The following ASAP2 variants were observed in gnomAD, a reference collection of about 807,000 sequenced individuals.
ASAP2 encodes the protein ArfGAP with SH3 domain, ankyrin repeat and PH domain 2, also known as arf-GAP with SH3 domain, ANK repeat and PH domain-containing protein 2.
In ASAP2, 45 loss-of-function variants were observed where a neutral mutation model predicts 131.4. The observed-to-expected ratio is 0.34, with a 90% confidence interval of 0.27 to 0.44. The LOEUF is 0.44. Among genes scored for constraint, ASAP2 ranks in the 20% least tolerant of loss-of-function variants. The pLI is 1.00. For synonymous variants in ASAP2, 510 were observed against 503.0 expected, an observed-to-expected ratio of 1.01 and a Z score of -0.19; for missense variants, 1,011 against 1,297.0, an observed-to-expected ratio of 0.78 and a Z score of 3.39.
At chr2:9,349,211 A>C (rs909912598) in intron 11 of ASAP2, among the ~76,000 whole-genome samples, 5 of 152,230 alleles carry the variant, frequency 3.3e-5, no homozygotes, top group Non-Finnish European at 7.3e-5. Context: ...TTTGTCCATG[A>C]AGGTGCTTCT....
intron 22 of ASAP2, 102 bp downstream of exon 22, chr2:9,388,648 CTT>C: frequency 6.8e-7 from 1 of 1,463,834 alleles, no homozygotes; most frequent in Non-Finnish European, 9.0e-7. Flanking sequence ...CCTTTGGGCT[CTT>C]TTGTTTTGTA....
Position 9,281,137 on chromosome 2 carries a change from A to ATTT in ASAP2, c.199+1760_199+1762dup, listed in dbSNP as rs34520841. Reference sequence around the variant, plus strand: ...CAGATTTCAAAAAGTATCTTGGAAGATTTTTTTTTTTTTTACTGCGTTCAC... The same window carrying ATTT: ...CAGATTTCAAAAAGTATCTTGGAAGATTTTTTTTTTTTTTTTTACTGCGTTCAC... On this transcript the variant is annotated intron_variant, in intron 2 of 27. Transcript: ENST00000281419. The surrounding 1 kb of genome is among the most constrained non-coding windows in gnomAD (Gnocchi z 4.0). Among the ~76,000 whole-genome samples the ATTT allele has an allele frequency of 2.4e-3, 348 of 146,818 alleles. 3 individuals are homozygous for ATTT. Among genetic ancestry groups the ATTT allele is most frequent in the African/African-American group, 7.4e-3 (296 of 39,858 alleles).
At chr2:9,348,225 T>C (rs1302585436) in intron 11 of ASAP2, among the ~76,000 whole-genome samples, 1 of 152,210 alleles carries the variant, frequency 6.6e-6, no homozygotes, top group Non-Finnish European at 1.5e-5. Flanking sequence ...CAAGCAGTTC[T>C]CCTGCCTCAG....
intron 17 of ASAP2, among the ~76,000 whole-genome samples, chr2:9,376,490 T>C (rs1269179177): frequency 6.6e-6 from 1 of 152,190 alleles, no homozygotes; most frequent in Admixed American, 6.5e-5. Context: ...CGCAAAACTT[T>C]AAGCCTGCTT....
intron 9 of ASAP2, among the ~76,000 whole-genome samples, chr2:9,337,241 G>A (rs956268628): frequency 2.0e-5 from 3 of 151,746 alleles, no homozygotes; most frequent in East Asian, 3.8e-4. Context: ...AGTTGTGGGC[G>A]TGTTGTGTTT....
intron 1 of ASAP2, among the ~76,000 whole-genome samples, chr2:9,263,964 G>A (rs1037783618): frequency 3.9e-5 from 6 of 152,226 alleles, no homozygotes; most frequent in Non-Finnish European, 7.4e-5. Context: ...GGCCAAGGCG[G>A]GCGGATCAGT....
chr2:9,218,415 T>C (rs1365264751), intron 1 of ASAP2, among the ~76,000 whole-genome samples: 1 of 152,212 alleles, frequency 6.6e-6, no homozygotes, highest in Non-Finnish European at 1.5e-5. Flanking sequence ...TGACAAGGAC[T>C]AGGAGCCACC....
chr2:9,357,326 A>G (rs898827439), intron 14 of ASAP2, among the ~76,000 whole-genome samples: 16 of 152,098 alleles, frequency 1.1e-4, no homozygotes, highest in African/African-American at 3.6e-4. Flanking sequence ...TAAAAATACC[A>G]TAATTAGCCC....
intron 3 of ASAP2, among the ~76,000 whole-genome samples, chr2:9,313,563 G>A (rs190453333): frequency 4.9e-4 from 75 of 152,282 alleles, no homozygotes; most frequent in African/African-American, 1.7e-3. Context: ...CGCTGCCCCC[G>A]CCAGCTGCCG....
intron 1 of ASAP2, among the ~76,000 whole-genome samples, chr2:9,267,548 A>T (rs1666024387): frequency 6.6e-6 from 1 of 152,014 alleles, no homozygotes; most frequent in African/African-American, 2.4e-5. Flanking sequence ...TCCACTGTTG[A>T]TGGGTACCTG....
At chr2:9,318,314 A>G (rs1164134473) in intron 3 of ASAP2, among the ~76,000 whole-genome samples, 1 of 152,222 alleles carries the variant, frequency 6.6e-6, no homozygotes, top group Non-Finnish European at 1.5e-5. Context: ...TGAAATATAT[A>G]CAGACCTAGA....
At chr2:9,317,541 A>G (rs1277166402) in intron 3 of ASAP2, among the ~76,000 whole-genome samples, 2 of 137,066 alleles carry the variant, frequency 1.5e-5, no homozygotes, top group Non-Finnish European at 3.2e-5. Flanking sequence ...AATCCACACA[A>G]TCTCTCACAT....
chr2:9,307,485 G>A (rs181437675), intron 3 of ASAP2, among the ~76,000 whole-genome samples: 1 of 152,312 alleles, frequency 6.6e-6, no homozygotes, highest in Non-Finnish European at 1.5e-5. Context: ...ACCATCACCC[G>A]GTTTTAGAAG....
At chr2:9,212,809 G>A in intron 1 of ASAP2, among the ~76,000 whole-genome samples, 1 of 152,178 alleles carries the variant, frequency 6.6e-6, no homozygotes, top group East Asian at 1.9e-4. Context: ...GAAACTTGCT[G>A]AAATGCAGAG....
chr2:9,398,624 A>G (rs925529390), intron 24 of ASAP2, among the ~76,000 whole-genome samples: 1 of 152,036 alleles, frequency 6.6e-6, no homozygotes, highest in Non-Finnish European at 1.5e-5. Context: ...CCTGGCCCAC[A>G]TGGTGAAACC....
chr2:9,369,073 C>T (rs1385911559), intron 16 of ASAP2, among the ~76,000 whole-genome samples: 1 of 150,942 alleles, frequency 6.6e-6, no homozygotes, highest in African/African-American at 2.4e-5. Flanking sequence ...GGCTGGAGTG[C>T]AGTGGCACGA....
intron 1 of ASAP2, among the ~76,000 whole-genome samples, chr2:9,270,529 A>G (rs1432115244): frequency 6.6e-6 from 1 of 152,046 alleles, no homozygotes; most frequent in Non-Finnish European, 1.5e-5. Flanking sequence ...ATTAGGGTAA[A>G]TGGGGCTTCC....
chr2:9,385,402 A>G (rs758277494), intron 21 of ASAP2, 44 bp downstream of exon 21: 1 of 1,455,058 alleles, frequency 6.9e-7, no homozygotes, highest in Non-Finnish European at 9.7e-7. Context: ...GATCAGCTTC[A>G]TCCAGAACAG....
rs557070701 is a variant in ASAP2 at position 9,328,673 on chromosome 2, C to T, written c.686+762C>T. Among the ~76,000 whole-genome samples the T allele has an allele frequency of 1.1e-3, 166 of 152,318 alleles. 1 individual carries two copies. Among genetic ancestry groups the T allele is most frequent in the South Asian group, 2.3e-3 (11 of 4,826 alleles). On this transcript the variant is annotated intron_variant, in intron 7 of 27. Transcript: ENST00000281419. ...TGTGTCAGTACTTCAGTCTGACCCA[C>T]GTCTCTGACCTGGCTTCTGCTCCTC...
Sources: gnomAD v4.1 joint callset for allele counts (sites outside exome capture counted in the v4.1 genomes callset) on GRCh38, gnomAD v4.1.1 for gene constraint, Gnocchi (gnomAD v3.1) non-coding constraint, MANE v1.5 for transcripts, NCBI Gene and HGNC (gene_info 2026-07-23, HGNC 2026-07-21) for gene names.